Variants in ZAN observed in about 807,000 individuals in gnomAD.
The protein encoded by ZAN is zonadhesin, also known as zonadhesin (gene/pseudogene).
In ZAN, 260 loss-of-function variants were observed where a neutral mutation model predicts 286.2. The observed-to-expected ratio is 0.91, with a 90% CI of 0.82 to 1.01. ZAN has a LOEUF of 1.01. Ranked by LOEUF, ZAN falls within the 50% of genes least tolerant of loss-of-function variation. ZAN has a pLI of 0.00. For synonymous variants in ZAN, 1,368 were observed against 1,417.5 expected, an observed-to-expected ratio of 0.97 and a Z score of 0.79; for missense variants, 3,410 against 3,639.2, an observed-to-expected ratio of 0.94 and a Z score of 1.62.
chr7:100,767,767 C>A (rs1562939391), intron 25 of ZAN, 64 bp from the exon 26 acceptor site: 1 of 1,534,342 alleles, frequency 6.5e-7, no homozygotes, highest in Non-Finnish European at 8.8e-7. Flanking sequence ...CATGAGCCCC[C>A]GTCCTTGCCT....
chr7:100,745,246 C>A (rs1413825233), intron 7 of ZAN, among the ~76,000 whole-genome samples: 1 of 151,650 alleles, frequency 6.6e-6, no homozygotes, highest in Non-Finnish European at 1.5e-5. Flanking sequence ...CTCTTCCTTC[C>A]CGGTTGTTTC....
intron 29 of ZAN, among the ~76,000 whole-genome samples, chr7:100,772,357 G>A (rs1416693964): frequency 1.4e-5 from 2 of 146,196 alleles, no homozygotes; most frequent in African/African-American, 5.1e-5. Context: ...TTGAACCTGG[G>A]AGGCAGAGGT....
At chr7:100,759,985 G>T in intron 18 of ZAN, 140 bp downstream of exon 18, 1 of 1,352,314 alleles carries the variant, frequency 7.4e-7, no homozygotes, top group East Asian at 2.6e-5. Flanking sequence ...AGGCTAAAGT[G>T]GGAGGATTGC....
Position 100,752,984 on chromosome 7 carries a change from A to G in ZAN, c.2879A>G (p.Glu960Gly), listed in dbSNP as rs1808876439. ...CCAGAAAAACTCACCATCCCCACAG[A>G]AAAACCCACCATCTCCACGGAAAAA... ...ISPEKLTIPT[E>G]KPTISTEKPT... is the part of the protein sequence containing the mutation. The change falls in exon 14 of 48, where the codon GAA (glutamate) becomes GGA (glycine). Residue 960 changes from glutamate (E) to glycine (G), a missense_variant. Physicochemically the swap from Glu to Gly is moderately conservative, Grantham distance 98. Transcript: ENST00000613979. 1.2e-6 allele frequency: 2 copies of G among 1,609,354 alleles called. No individual in the cohort carries two copies. The highest frequency in any genetic ancestry group is 1.3e-5 in the African/African-American group (1 of 74,344).
At chr7:100,745,390 G>C (rs905771921) in intron 7 of ZAN, among the ~76,000 whole-genome samples, 1 of 151,724 alleles carries the variant, frequency 6.6e-6, no homozygotes, top group Non-Finnish European at 1.5e-5. Flanking sequence ...GCACGCGAGC[G>C]CGCTCCCCAC....
chr7:100,786,143 T>A lies in ZAN; in HGVS notation c.6979+2T>A, dbSNP rs1332233577. On this transcript the variant is annotated splice_donor_variant, in intron 37 of 47. Transcript: ENST00000613979. LOFTEE classifies it high-confidence loss of function. ...GCAACAGCAATTGTGTCTCAGACAG[T>A]AAGGGGAGCGACCGGGGAGGTTGGA... 3 of 1,613,634 alleles carry A rather than the reference T, an allele frequency of 1.9e-6. No individual in the cohort carries two copies. Among genetic ancestry groups the A allele is most frequent in the East Asian group, 2.2e-5 (1 of 44,838 alleles).
rs1320047968 is a variant in ZAN, at chr7:100,737,176, A to G, written c.526-86A>G. 2.1e-6 allele frequency: 3 copies of G among 1,422,440 alleles called. No individual in the cohort carries two copies. The African/African-American group carries it at 4.4e-5, about 21-fold the overall frequency. 88.1% of individuals were successfully genotyped at this position (1,422,440 alleles called of 1,614,324 possible). Reference sequence around the variant, plus strand: ...TGGCAAAAAGGGATTGTGGGGGCCAAGCCATCTGAATTCAGGAAGAAAACT... The same window carrying G: ...TGGCAAAAAGGGATTGTGGGGGCCAGGCCATCTGAATTCAGGAAGAAAACT... On this transcript the variant is annotated intron_variant, in intron 5 of 47. Coordinates refer to ENST00000613979, the MANE Select transcript of ZAN (RefSeq NM_003386.3).
intron 36 of ZAN, 113 bp downstream of exon 36, chr7:100,784,947 G>T: frequency 1.6e-6 from 2 of 1,239,342 alleles, no homozygotes; most frequent in South Asian, 1.6e-5. Context: ...TGGCCCGGGG[G>T]TGTGAAGGCT....
At position 100,736,805 on chromosome 7, in the gene ZAN, C is replaced by A. The variant is rs770989098; in HGVS notation, c.254-4C>A. On this transcript the variant is annotated splice_region_variant and splice_polypyrimidine_tract_variant and intron_variant, in intron 4 of 47. Coordinates refer to ENST00000613979, the MANE Select transcript of ZAN (RefSeq NM_003386.3). ...CTCAGTGTCTTGGGCTCTGCCTCCC[C>A]CAGAGGGCAGCTATCTGCATATGGA... The A allele has an allele frequency of 4.8e-6, 7 of 1,470,276 alleles. 1 individual carries two copies. Among genetic ancestry groups the A allele is most frequent in the South Asian group, 1.2e-5 (1 of 83,718 alleles). 91.1% of individuals were successfully genotyped at this position (1,470,276 alleles called of 1,614,324 possible). A position where few individuals can be genotyped will look rare whatever the true frequency, so the allele number is the denominator to read the frequency against.
chr7:100,778,525 T>C (rs1193921751), intron 34 of ZAN, among the ~76,000 whole-genome samples: 1 of 151,998 alleles, frequency 6.6e-6, no homozygotes, highest in Non-Finnish European at 1.5e-5. Flanking sequence ...GGACGATCCC[T>C]TGGGCCTGGG....
chr7:100,765,837 C>T (rs545261373), intron 23 of ZAN, among the ~76,000 whole-genome samples: 6 of 151,256 alleles, frequency 4.0e-5, no homozygotes, highest in Non-Finnish European at 8.8e-5. Flanking sequence ...TTAGTAGAGA[C>T]GGGGTAGGGG....
chr7:100,786,297 C>T (rs1482175050), intron 37 of ZAN, among the ~76,000 whole-genome samples, 156 bp downstream of exon 37: 1 of 152,228 alleles, frequency 6.6e-6, no homozygotes, highest in African/African-American at 2.4e-5. Context: ...TCCAGTTTAG[C>T]TCTTGCTAAC....
chr7:100,739,278 TG>T (rs1204555329), intron 7 of ZAN, among the ~76,000 whole-genome samples: 2 of 136,582 alleles, frequency 1.5e-5, no homozygotes, highest in Non-Finnish European at 3.2e-5. Context: ...TCCCAAATGC[TG>T]GGATTACAGC....
intron 23 of ZAN, 130 bp downstream of exon 23, chr7:100,765,684 C>T: frequency 3.3e-6 from 4 of 1,225,540 alleles, no homozygotes; most frequent in South Asian, 1.6e-5. Context: ...GAGTTTTGCT[C>T]TGTCGCCAGG....
At position 100,752,507 on chromosome 7, in the gene ZAN, C is replaced by A; in HGVS notation, c.2402C>A (p.Pro801His). 1.2e-6 allele frequency: 2 copies of A among 1,610,074 alleles called. No homozygotes were observed. The highest frequency in any genetic ancestry group is 2.2e-5 in the South Asian group (2 of 90,808). ...TEKPTISTEEPTTPTEETTIS... is the reference protein window; with the variant it reads ...TEKPTISTEEHTTPTEETTIS... ...AAACCCACCATCTCCACAGAAGAGC[C>A]CACCACCCCCACTGAGGAGACCACC... Residue 801 changes from proline to histidine, a missense_variant, in exon 14 of 48, where the codon CCC becomes CAC. Around this residue, in one of 7 missense-constraint regions of ZAN, gnomAD observed 90 missense variants for 87.1 expected, o/e 1.03. Coordinates refer to ENST00000613979, the MANE Select transcript of ZAN (RefSeq NM_003386.3).
intron 36 of ZAN, 49 bp from the exon 37 acceptor site, chr7:100,785,948 C>T (rs149508616): frequency 0.02 from 31,445 of 1,571,196 alleles, 402 homozygotes; most frequent in Middle Eastern, 0.044. Flanking sequence ...CGTGAGCCGC[C>T]GCGCCCAGCC....
chr7:100,745,443 T>C (rs1808135471), intron 7 of ZAN, among the ~76,000 whole-genome samples: 1 of 151,672 alleles, frequency 6.6e-6, no homozygotes, highest in Non-Finnish European at 1.5e-5. Flanking sequence ...ACCAGTTGCG[T>C]CACCTAGCGA....
intron 7 of ZAN, among the ~76,000 whole-genome samples, chr7:100,744,315 C>G (rs1445299667): frequency 2.0e-5 from 3 of 150,786 alleles, no homozygotes; most frequent in African/African-American, 4.9e-5. Flanking sequence ...TAGAAGGGCC[C>G]TGGCCAGGCG....
intron 45 of ZAN, among the ~76,000 whole-genome samples, chr7:100,797,096 C>T (rs1584644335): frequency 1.3e-5 from 2 of 152,078 alleles, no homozygotes; most frequent in Non-Finnish European, 2.9e-5. Flanking sequence ...GCTATGATCG[C>T]ACCACTGCAC....
Sources: gnomAD v4.1 joint callset for allele counts (sites outside exome capture counted in the v4.1 genomes callset) on GRCh38, gnomAD v4.1.1 for gene constraint, gnomAD v4.1.1 regional missense constraint, MANE v1.5 for transcripts, NCBI Gene and HGNC (gene_info 2026-07-23, HGNC 2026-07-21) for gene names.